Variants in GBP1 observed in about 807,000 individuals in gnomAD.
GBP1 encodes guanylate-binding protein 1.
A neutral mutation model predicts 69.5 loss-of-function variants in GBP1; 64 were observed. The ratio of observed to expected loss-of-function variants is 0.92; its 90% CI spans 0.75 to 1.13. The LOEUF (loss-of-function observed/expected upper bound fraction) is 1.13. Ranked by LOEUF, GBP1 falls within the 50% of genes most tolerant of loss-of-function variation. GBP1 has a pLI of 0.00. For missense variants in GBP1, 630 were observed against 704.1 expected (o/e 0.89, Z 1.19); for synonymous variants, 250 against 261.2 (o/e 0.96, Z 0.41).
intron 8 of GBP1, 151 bp downstream of exon 8, chr1:89,055,865 T>C (rs964142828): frequency 4.4e-6 from 4 of 903,408 alleles, no homozygotes; most frequent in Admixed American, 4.1e-5. Flanking sequence ...ACATATCTGG[T>C]ATAACAGCCT....
chr1:89,055,175 G>A lies in GBP1; in HGVS notation c.1409C>T (p.Ser470Phe). The A allele has an allele frequency of 6.2e-7, 1 of 1,612,018 alleles. No individual in the cohort carries two copies. The highest frequency in any genetic ancestry group is 2.2e-5 in the East Asian group (1 of 44,890). ...TGTCTGGAGAATTGCATCAGTCATA[G>A]ACTCCTTGGATTTCAAGTATGTCTG... The part of the protein sequence containing the change: ...ILQTYLKSKE[S>F]MTDAILQTDQ... Residue 470 changes from serine to phenylalanine, a missense_variant, in exon 9 of 11, where the codon TCT becomes TTT. This residue lies in a region of GBP1 where 367 missense variants were observed against 369.5 expected (regional missense o/e 0.99). Coordinates refer to ENST00000370473, the MANE Select transcript of GBP1 (RefSeq NM_002053.3).
In GBP1 at chr1:89,058,134, G is replaced by A. The variant is rs1252532901; in HGVS notation, c.732C>T (p.Arg244=). Residue 244 remains arginine, a synonymous_variant, in exon 6 of 11, where the codon CGC becomes CGT. Transcript: ENST00000370473. The part of the protein sequence containing the change: ...KCFVFDRPVH[R]RKLAQLEKLQ... ...GTTTCTCGAGCTGGGCAAGCTTCCT[G>A]CGGTGAACGGGCCGATCAAAGACAA... 1.4e-5 allele frequency: 22 copies of A among 1,614,064 alleles called. No homozygotes were observed. The highest frequency in any genetic ancestry group is 1.9e-5 in the Non-Finnish European group (22 of 1,180,016).
chr1:89,061,973 C>T (rs1280163180), intron 2 of GBP1, among the ~76,000 whole-genome samples: 1 of 147,692 alleles, frequency 6.8e-6, no homozygotes, highest in African/African-American at 2.5e-5. Flanking sequence ...AACTTCCATT[C>T]GTATGGCCAC....
At chr1:89,062,900 C>T (rs1317648833) in intron 2 of GBP1, 145 bp downstream of exon 2, 5 of 924,194 alleles carry the variant, frequency 5.4e-6, no homozygotes, top group African/African-American at 5.0e-5. Flanking sequence ...CCTAGAACAG[C>T]GTGAAGATAA....
In GBP1 at chr1:89,059,307, A is replaced by G. The variant is rs371488786; in HGVS notation, c.428+10T>C. ...TGACCTTGGTGCTGTTCTGGGTCACAAAAGGATACTACAGTTGGTCCATAG... is the reference window on the plus strand; with the variant it reads ...TGACCTTGGTGCTGTTCTGGGTCACGAAAGGATACTACAGTTGGTCCATAG... On this transcript the variant is annotated intron_variant, in intron 4 of 10. Transcript: ENST00000370473. The G allele has an allele frequency of 7.4e-6, 12 of 1,614,110 alleles. No individual in the cohort carries two copies. The African/African-American group carries it at 1.6e-4, about 22-fold the overall frequency.
chr1:89,053,303 TA>T lies in GBP1; in HGVS notation c.*51del. ...ATGTAGTGACGCTTGTTCCAAATTC[TA>T]AAATTGTTTCAATTATGCCTTGGTT... On this transcript the variant is annotated 3_prime_UTR_variant, in exon 11 of 11. Transcript: ENST00000370473. 2 of 1,438,948 alleles carry T rather than the reference TA, an allele frequency of 1.4e-6. No individual in the cohort carries two copies. Among genetic ancestry groups the T allele is most frequent in the Non-Finnish European group, 1.9e-6 (2 of 1,046,762 alleles). The allele number at this position is 1,438,948 out of a possible 1,614,324, so 89.1% of individuals were successfully genotyped here.
At chr1:89,062,431 A>T (rs184314061) in intron 2 of GBP1, among the ~76,000 whole-genome samples, 2 of 152,360 alleles carry the variant, frequency 1.3e-5, no homozygotes, top group Admixed American at 1.3e-4. Flanking sequence ...TTCCACTTAT[A>T]TAAGGTTTCT....
chr1:89,061,380 G>A (rs1179499403), intron 2 of GBP1, among the ~76,000 whole-genome samples: 1 of 152,128 alleles, frequency 6.6e-6, no homozygotes, highest in Non-Finnish European at 1.5e-5. Context: ...ATGGTCAAAT[G>A]ATTTCCAGTA....
Position 89,052,514 on chromosome 1 carries a change from T to C in GBP1, c.*841A>G, listed in dbSNP as rs1679944908. The C allele has an allele frequency of 6.6e-6, 1 of 152,204 alleles. No individual in the cohort carries two copies. Among genetic ancestry groups the C allele is most frequent in the Non-Finnish European group, 1.5e-5 (1 of 68,028 alleles). 9.4% of individuals were successfully genotyped at this position (152,204 alleles called of 1,614,324 possible). On this transcript the variant is annotated 3_prime_UTR_variant, in exon 11 of 11. Transcript: ENST00000370473. ...GTTTTCAAGTATGAGTGTTAAGAGTTAGAAAAGACTATCATAAGCTTTAAC... is the reference window on the plus strand; with the variant it reads ...GTTTTCAAGTATGAGTGTTAAGAGTCAGAAAAGACTATCATAAGCTTTAAC...
At chr1:89,056,831 T>C (rs754529861) in intron 7 of GBP1, 23 bp downstream of exon 7, 2 of 1,611,850 alleles carry the variant, frequency 1.2e-6, no homozygotes, top group South Asian at 1.1e-5. Context: ...CCCTAAACCG[T>C]ATACATTTGA....
intron 3 of GBP1, among the ~76,000 whole-genome samples, chr1:89,059,762 T>A (rs1450393568): frequency 1.3e-5 from 2 of 152,138 alleles, no homozygotes; most frequent in Non-Finnish European, 2.9e-5. Flanking sequence ...AATTTTCTCT[T>A]CTTTTTTTCA....
At position 89,058,008 on chromosome 1, in the gene GBP1, G is replaced by C. The variant is rs538365990; in HGVS notation, c.858C>G (p.Ile286Met). ...GGGACTTACGAGGCCCGTTGACCTGGATGCCTCCTGAAAGAGTTTTAGTTT... is the reference window on the plus strand; with the variant it reads ...GGGACTTACGAGGCCCGTTGACCTGCATGCCTCCTGAAAGAGTTTTAGTTT... ...NSKTKTLSGG[I>M]QVNGPRLESL... is the part of the protein sequence containing the mutation. Residue 286 changes from isoleucine to methionine, a missense_variant, in exon 6 of 11, where the codon ATC (isoleucine) becomes ATG (methionine). Ile to Met is a conservative substitution (Grantham distance 10, BLOSUM62 1). This residue lies in a region of GBP1 where 367 missense variants were observed against 369.5 expected (regional missense o/e 0.99). Coordinates refer to ENST00000370473, the MANE Select transcript of GBP1 (RefSeq NM_002053.3). 1.4e-5 allele frequency: 23 copies of C among 1,612,618 alleles called. No homozygotes were observed. In the African/African-American group the frequency reaches 2.4e-4, roughly 17 times the overall value.
intron 3 of GBP1, 85 bp from the exon 4 acceptor site, chr1:89,059,511 A>G: frequency 8.5e-7 from 1 of 1,172,466 alleles, no homozygotes; most frequent in Non-Finnish European, 1.2e-6. Flanking sequence ...CTATGTTCAT[A>G]TGTTAGAGGG....
intron 2 of GBP1, among the ~76,000 whole-genome samples, chr1:89,060,794 A>C (rs1680177498): frequency 6.6e-6 from 1 of 152,280 alleles, no homozygotes; most frequent in Admixed American, 6.5e-5. Context: ...ATAGTATCTA[A>C]TTTGTAGAAA....
intron 8 of GBP1, 171 bp downstream of exon 8, chr1:89,055,845 A>C: frequency 1.3e-6 from 1 of 757,610 alleles, no homozygotes; most frequent in Non-Finnish European, 2.2e-6. Flanking sequence ...CTCTTTGATG[A>C]GCACCTAGGA....
At chr1:89,062,105 A>C (rs780309755) in intron 2 of GBP1, among the ~76,000 whole-genome samples, 2 of 152,186 alleles carry the variant, frequency 1.3e-5, no homozygotes, top group Non-Finnish European at 2.9e-5. Context: ...TGGTATAGTG[A>C]TTTCTTAAAA....
intron 1 of GBP1, 67 bp from the exon 2 acceptor site, chr1:89,063,320 GA>G: frequency 6.8e-7 from 1 of 1,467,110 alleles, no homozygotes; most frequent in South Asian, 1.3e-5. Flanking sequence ...AGAATCATAA[GA>G]TTCCCCAGTA....
intron 8 of GBP1, 197 bp downstream of exon 8, chr1:89,055,812 CTTAATAG>C: frequency 1.6e-6 from 1 of 640,016 alleles, no homozygotes; most frequent in Non-Finnish European, 2.7e-6. Context: ...GAATTTATAA[CTTAATAG>C]TTAATTGACT....
rs747862402 is a variant in GBP1, at chr1:89,056,844, C to A, written c.1155+10G>T. The stretch of plus-strand genomic sequence containing the variant: ...GACCCTAAACCGTATACATTTGAGA[C>A]AAAAATTACCGCTAACTCCTTTTGA... On this transcript the variant is annotated intron_variant, in intron 7 of 10. Transcript: ENST00000370473. 3 of 1,612,694 alleles carry A rather than the reference C, an allele frequency of 1.9e-6. No individual in the cohort carries two copies. Among genetic ancestry groups the A allele is most frequent in the African/African-American group, 2.7e-5 (2 of 74,832 alleles).
Sources: gnomAD v4.1 joint callset for allele counts (sites outside exome capture counted in the v4.1 genomes callset) on GRCh38, gnomAD v4.1.1 for gene constraint, gnomAD v4.1.1 regional missense constraint, MANE v1.5 for transcripts, NCBI Gene and HGNC (gene_info 2026-07-23, HGNC 2026-07-21) for gene names.